The following GIGYF2 variants were observed in gnomAD, a reference collection of about 807,000 sequenced individuals.
The protein encoded by GIGYF2 is GRB10 interacting GYF protein 2, also known as GRB10-interacting GYF protein 2.
GIGYF2 carries 25 observed loss-of-function variants against 208.1 expected under a neutral mutation model. That is an observed-to-expected ratio of 0.12 (90% CI 0.09 to 0.17). GIGYF2 has a LOEUF of 0.17. Among genes scored for constraint, GIGYF2 ranks in the 10% least tolerant of loss-of-function variants. The pLI, the probability that GIGYF2 is intolerant of heterozygous loss-of-function variation, is 1.00. For synonymous variants in GIGYF2, 534 were observed against 543.8 expected (o/e 0.98, Z 0.25); for missense variants, 1,302 against 1,579.4 (o/e 0.82, Z 2.98).
chr2:232,859,874 CTG>C lies in GIGYF2; in HGVS notation c.*3018_*3019del, dbSNP rs1454474594. On this transcript the variant is annotated 3_prime_UTR_variant, in exon 29 of 29. Coordinates refer to ENST00000373563, the MANE Select transcript of GIGYF2 (RefSeq NM_001103146.3). The stretch of plus-strand genomic sequence containing the variant: ...CTTCCCCCAGAGAACCAGGCAGAAG[CTG>C]TGTTACCTTTTTGAGCTCTTAGCTC... 2 of 152,128 alleles carry C rather than the reference CTG, an allele frequency of 1.3e-5. No homozygotes were observed. Among genetic ancestry groups the C allele is most frequent in the African/African-American group, 2.4e-5 (1 of 41,440 alleles). 9.4% of individuals were successfully genotyped at this position (152,128 alleles called of 1,614,324 possible).
At chr2:232,716,658 C>A (rs1196114011) in intron 2 of GIGYF2, among the ~76,000 whole-genome samples, 1 of 152,120 alleles carries the variant, frequency 6.6e-6, no homozygotes, top group African/African-American at 2.4e-5. Context: ...GCTGGGATTA[C>A]AGGCATGAGC....
intron 9 of GIGYF2, among the ~76,000 whole-genome samples, chr2:232,790,226 C>G (rs886777903): frequency 1.3e-5 from 2 of 152,028 alleles, no homozygotes; most frequent in East Asian, 3.9e-4. Flanking sequence ...TGATATAAGT[C>G]AACACAGGGA....
chr2:232,757,364 T>C (rs1698590157), intron 6 of GIGYF2, among the ~76,000 whole-genome samples: 1 of 152,116 alleles, frequency 6.6e-6, no homozygotes, highest in African/African-American at 2.4e-5. Flanking sequence ...GAATATTTTT[T>C]TTTTTAACCT....
intron 23 of GIGYF2, 81 bp downstream of exon 23, chr2:232,840,052 G>A: frequency 7.4e-7 from 1 of 1,355,520 alleles, no homozygotes; most frequent in East Asian, 2.3e-5. Flanking sequence ...TGGTTACTGA[G>A]GACAATTACT....
At chr2:232,728,507 T>C (rs1697308739) in intron 2 of GIGYF2, among the ~76,000 whole-genome samples, 1 of 152,138 alleles carries the variant, frequency 6.6e-6, no homozygotes, top group South Asian at 2.1e-4. Context: ...TAGAGAGAGT[T>C]TCAGATGATC....
intron 2 of GIGYF2, among the ~76,000 whole-genome samples, chr2:232,734,639 TA>T (rs946301041): frequency 2.0e-5 from 3 of 151,330 alleles, no homozygotes; most frequent in Non-Finnish European, 3.0e-5. Context: ...CACTGTCTGT[TA>T]AAAAAAAATC....
At chr2:232,804,073 A>G (rs1025333331) in intron 14 of GIGYF2, among the ~76,000 whole-genome samples, 1 of 151,330 alleles carries the variant, frequency 6.6e-6, no homozygotes, top group South Asian at 2.1e-4. Flanking sequence ...AATTGGGTAG[A>G]CTGATTCTTC....
chr2:232,754,457 G>A (rs1041507506), intron 5 of GIGYF2, among the ~76,000 whole-genome samples: 10 of 152,186 alleles, frequency 6.6e-5, no homozygotes, highest in Non-Finnish European at 1.5e-4. Context: ...CATCAGCAAT[G>A]TATGAGAGTT....
chr2:232,855,255 G>GTTT, intron 28 of GIGYF2, among the ~76,000 whole-genome samples: 1 of 151,890 alleles, frequency 6.6e-6, no homozygotes, highest in African/African-American at 2.4e-5. Context: ...CCCAGCTAAT[G>GTTT]TTTTGTATTT....
chr2:232,731,462 G>A (rs1389303177), intron 2 of GIGYF2, among the ~76,000 whole-genome samples: 1 of 152,066 alleles, frequency 6.6e-6, no homozygotes, highest in East Asian at 1.9e-4. Context: ...GGCTAGATGG[G>A]GCTTAAAATG....
chr2:232,786,570 A>G (rs1699913517), intron 8 of GIGYF2, among the ~76,000 whole-genome samples: 1 of 152,232 alleles, frequency 6.6e-6, no homozygotes, highest in Admixed American at 6.5e-5. Context: ...GGAATGAAAG[A>G]CGGCCTGAAA....
Position 232,781,352 on chromosome 2 carries a change from TCCCACCCA to T in GIGYF2, c.533-5789_533-5782del, listed in dbSNP as rs1699718318. On this transcript the variant is annotated intron_variant, in intron 8 of 28. Coordinates refer to ENST00000373563, the MANE Select transcript of GIGYF2 (RefSeq NM_001103146.3). ...ATAAAGATAATGGTCTCCTTGGCAC[TCCCACCCA>T]CCCACCCATCCAAATTTACACAAGT... 3.7e-5 allele frequency among the ~76,000 whole-genome samples: 4 copies of T among 106,684 alleles called. No homozygotes were observed. In the Admixed American group the frequency reaches 4.0e-4, roughly 11 times the overall value. The allele number at this position is 106,684 out of a possible 152,430, so 70.0% of individuals were successfully genotyped here.
At chr2:232,776,699 G>A (rs1699529466) in intron 8 of GIGYF2, 2 of 517,852 alleles carry the variant, frequency 3.9e-6, no homozygotes, top group African/African-American at 1.9e-5. Flanking sequence ...TGGTTTGTTA[G>A]GAGGTCTTTC....
chr2:232,819,362 G>A (rs1206780396), intron 20 of GIGYF2, among the ~76,000 whole-genome samples: 4 of 152,232 alleles, frequency 2.6e-5, no homozygotes, highest in South Asian at 4.1e-4. Flanking sequence ...TTCAGAACAC[G>A]TTCTGGGACA....
chr2:232,791,494 C>A, intron 12 of GIGYF2, 48 bp downstream of exon 12: 1 of 1,495,460 alleles, frequency 6.7e-7, no homozygotes, highest in Non-Finnish European at 9.2e-7. Context: ...TCTGCTGAGG[C>A]CAGTGATCAC....
chr2:232,704,437 C>G (rs576439438), intron 2 of GIGYF2, among the ~76,000 whole-genome samples: 13 of 152,210 alleles, frequency 8.5e-5, no homozygotes, highest in African/African-American at 3.1e-4. Flanking sequence ...CAGAGTCTTG[C>G]TCTGTCGCCT....
At chr2:232,751,474 C>T (rs1698336098) in intron 5 of GIGYF2, among the ~76,000 whole-genome samples, 1 of 152,144 alleles carries the variant, frequency 6.6e-6, no homozygotes, top group Non-Finnish European at 1.5e-5. Flanking sequence ...GCCTTGGCCT[C>T]CCGAAGTTCT....
chr2:232,812,522 T>C (rs1156580352), intron 18 of GIGYF2, 31 bp downstream of exon 18: 3 of 815,972 alleles, frequency 3.7e-6, no homozygotes, highest in Non-Finnish European at 6.6e-6. Context: ...TTAGTACCAC[T>C]CTGAGGATTC....
At chr2:232,742,338 C>T (rs569223744) in intron 3 of GIGYF2, among the ~76,000 whole-genome samples, 1 of 152,220 alleles carries the variant, frequency 6.6e-6, no homozygotes, top group African/African-American at 2.4e-5. Context: ...GTCAGGAGTT[C>T]AAGACCAGCC....
Sources: gnomAD v4.1 joint callset for allele counts (sites outside exome capture counted in the v4.1 genomes callset) on GRCh38, gnomAD v4.1.1 for gene constraint, MANE v1.5 for transcripts, NCBI Gene and HGNC (gene_info 2026-07-23, HGNC 2026-07-21) for gene names.